NBAS: variants seen among roughly 807,000 people sequenced by gnomAD.
NBAS encodes NBAS subunit of NRZ tethering complex.
Under a neutral mutation model 302.5 loss-of-function variants are expected in NBAS, and 219 were observed. That is an observed-to-expected ratio of 0.72 (90% CI 0.65 to 0.81). NBAS has a LOEUF of 0.81. Among genes scored for constraint, NBAS ranks in the 30% least tolerant of loss-of-function variants. The pLI, the probability that NBAS is intolerant of heterozygous loss-of-function variation, is 0.00. For missense variants in NBAS, 2,932 were observed against 2,841.6 expected (o/e 1.03, Z -0.72); for synonymous variants, 1,118 against 1,021.6 (o/e 1.09, Z -1.80).
chr2:15,373,027 C>T (rs1476281051), intron 31 of NBAS, among the ~76,000 whole-genome samples: 2 of 152,036 alleles, frequency 1.3e-5, no homozygotes, highest in African/African-American at 4.8e-5. Flanking sequence ...ACAAACAGAG[C>T]AAAGGTTTCA....
At chr2:15,083,353 G>T in the NBAS span, among the ~76,000 whole-genome samples, 1 of 152,200 alleles carries the variant, frequency 6.6e-6, no homozygotes, top group East Asian at 1.9e-4. Flanking sequence ...CCAAAGCTGT[G>T]ACTGAGTACA....
chr2:15,455,104 C>T (rs6713871), intron 21 of NBAS, among the ~76,000 whole-genome samples: 93,897 of 151,746 alleles, frequency 0.62, 29,828 homozygotes, highest in Middle Eastern at 0.68. Flanking sequence ...GGTTTCATCA[C>T]GTTGGCCAGG....
chr2:15,428,811 A>C (rs1333900563), intron 21 of NBAS, among the ~76,000 whole-genome samples: 1 of 152,162 alleles, frequency 6.6e-6, no homozygotes, highest in Non-Finnish European at 1.5e-5. Flanking sequence ...TGGGAGGCTG[A>C]GGTGGGCAGA....
chr2:15,053,825 C>A, the NBAS span, among the ~76,000 whole-genome samples: 1 of 151,962 alleles, frequency 6.6e-6, no homozygotes, highest in African/African-American at 2.4e-5. Context: ...ACACTTACCT[C>A]AAGACACGTT....
At chr2:15,039,752 C>G in the NBAS span, among the ~76,000 whole-genome samples, 2 of 152,224 alleles carry the variant, frequency 1.3e-5, no homozygotes, top group East Asian at 3.9e-4. Context: ...ACCCCAGCCA[C>G]TGATGGAATC....
intron 45 of NBAS, among the ~76,000 whole-genome samples, chr2:15,237,144 A>G (rs1013860282): frequency 1.3e-5 from 2 of 152,238 alleles, no homozygotes; most frequent in Non-Finnish European, 1.5e-5. Context: ...ATTCATATAT[A>G]TAAGCACTGT....
In NBAS at chr2:15,299,965, A is replaced by G. The variant is rs1572615842; in HGVS notation, c.4798-7199T>C. 2.0e-5 allele frequency among the ~76,000 whole-genome samples: 3 copies of G among 152,356 alleles called. No homozygotes were observed. In the South Asian group the frequency reaches 6.2e-4, roughly 32 times the overall value. On this transcript the variant is annotated intron_variant, in intron 40 of 51. Coordinates refer to ENST00000281513, the MANE Select transcript of NBAS (RefSeq NM_015909.4). The stretch of plus-strand genomic sequence containing the variant: ...TAAAAATGAGTTAATTAGAACAAAT[A>G]CTAGAAGAGAAAATTCTCTCAGACT...
At chr2:15,153,862 GA>G in the NBAS span, among the ~76,000 whole-genome samples, 1 of 152,236 alleles carries the variant, frequency 6.6e-6, no homozygotes, top group Non-Finnish European at 1.5e-5. Flanking sequence ...TAAATTAAAT[GA>G]GATAATTTCC....
At chr2:15,467,468 A>G (rs113507108) in intron 18 of NBAS, 61 bp from the exon 19 acceptor site, 5 of 1,451,150 alleles carry the variant, frequency 3.4e-6, no homozygotes, top group African/African-American at 2.8e-5. Context: ...TCTAGGAGTT[A>G]TAATGAAAAT....
In NBAS at chr2:15,427,773, C is replaced by T. The variant is rs1677551052; in HGVS notation, c.2361G>A (p.Met787Ile). 3 of 1,613,254 alleles carry T rather than the reference C, an allele frequency of 1.9e-6. No individual in the cohort carries two copies. The highest frequency in any genetic ancestry group is 1.3e-5 in the African/African-American group (1 of 74,992). Residue 787 changes from methionine (M) to isoleucine (I), a missense_variant, in exon 22 of 52, where the codon ATG becomes ATA. Transcript: ENST00000281513. The stretch of plus-strand genomic sequence containing the variant: ...GTTTATGTTCATGCCAAGGAATGAT[C>T]ATCAGGGAGTCACCGTTAAAACTCA... ...PEACFNGDSLMIIPWHEHKHR... is the reference protein window; with the variant it reads ...PEACFNGDSLIIIPWHEHKHR...
chr2:14,885,835 A>G, the NBAS span, among the ~76,000 whole-genome samples: 202 of 152,328 alleles, frequency 1.3e-3, 1 homozygote, highest in African/African-American at 4.5e-3. Flanking sequence ...TACAAAGTTA[A>G]AGAGAATGAG....
At chr2:15,507,814 GA>G (rs1387441821) in intron 10 of NBAS, among the ~76,000 whole-genome samples, 3 of 152,282 alleles carry the variant, frequency 2.0e-5, no homozygotes, top group African/African-American at 7.2e-5. Flanking sequence ...TTGAATAAAT[GA>G]ATAAATAAAA....
chr2:15,189,470 G>A (rs916089037), intron 49 of NBAS, among the ~76,000 whole-genome samples: 1 of 152,144 alleles, frequency 6.6e-6, no homozygotes, highest in Non-Finnish European at 1.5e-5. Context: ...CTGAGCATGG[G>A]GAGAGCAAGA....
At chr2:15,138,602 A>G in the NBAS span, among the ~76,000 whole-genome samples, 3 of 152,118 alleles carry the variant, frequency 2.0e-5, no homozygotes, top group Non-Finnish European at 2.9e-5. Flanking sequence ...CCTGAGAATG[A>G]AGACCACTCT....
chr2:15,197,566 A>G (rs1665681233), intron 48 of NBAS, among the ~76,000 whole-genome samples: 1 of 152,194 alleles, frequency 6.6e-6, no homozygotes, highest in Admixed American at 6.5e-5. Context: ...AATTAGACAG[A>G]CGATCCTCAA....
chr2:15,113,818 TTCTC>T, the NBAS span, among the ~76,000 whole-genome samples: 3 of 151,928 alleles, frequency 2.0e-5, no homozygotes, highest in African/African-American at 4.8e-5. Context: ...GAGACAAAAA[TTCTC>T]TATGTATGAG....
the NBAS span, among the ~76,000 whole-genome samples, chr2:14,862,002 G>C: frequency 2.0e-5 from 3 of 152,218 alleles, no homozygotes; most frequent in East Asian, 5.8e-4. Context: ...GGAGCCAAGG[G>C]TCAGTGATAA....
At chr2:14,874,836 C>T in the NBAS span, among the ~76,000 whole-genome samples, 1 of 150,796 alleles carries the variant, frequency 6.6e-6, no homozygotes, top group African/African-American at 2.5e-5. Flanking sequence ...CAGGAATGCA[C>T]GTTTACTTTT....
At chr2:15,212,674 A>T (rs1031341905) in intron 48 of NBAS, among the ~76,000 whole-genome samples, 1 of 152,162 alleles carries the variant, frequency 6.6e-6, no homozygotes, top group Non-Finnish European at 1.5e-5. Context: ...TAACTGAAGC[A>T]TGGGGGGAGT....
Sources: allele counts gnomAD v4.1 joint callset (sites outside exome capture counted in the v4.1 genomes callset), GRCh38; gene constraint gnomAD v4.1.1; transcripts MANE v1.5; gene names NCBI Gene and HGNC (gene_info 2026-07-23, HGNC 2026-07-21).